ZNF804B: variants seen among roughly 807,000 people sequenced by gnomAD.
ZNF804B encodes zinc finger 804B.
Under a neutral mutation model 101.4 loss-of-function variants are expected in ZNF804B, and 80 were observed. That is an observed-to-expected ratio of 0.79 (90% CI 0.66 to 0.95). The LOEUF (loss-of-function observed/expected upper bound fraction) is 0.95, where lower values mean the gene tolerates loss of function less well. Among genes scored for constraint, ZNF804B ranks in the 40% least tolerant of loss-of-function variants. The pLI is 0.00. For missense variants in ZNF804B, 1,673 were observed against 1,561.9 expected (o/e 1.07, Z -1.20); for synonymous variants, 622 against 558.8 (o/e 1.11, Z -1.59).
At chr7:88,792,238 A>G (rs893969801) in intron 1 of ZNF804B, among the ~76,000 whole-genome samples, 2 of 152,100 alleles carry the variant, frequency 1.3e-5, no homozygotes, top group East Asian at 3.9e-4. Context: ...CCACTACACA[A>G]TGGGAGGAAT....
chr7:89,267,308 C>A (rs533080324), intron 2 of ZNF804B, among the ~76,000 whole-genome samples: 11 of 152,034 alleles, frequency 7.2e-5, no homozygotes, highest in Non-Finnish European at 1.3e-4. Flanking sequence ...ATATTCTACA[C>A]CTTTTATAGT....
chr7:89,302,772 G>A (rs1790495383), intron 2 of ZNF804B, among the ~76,000 whole-genome samples: 1 of 151,790 alleles, frequency 6.6e-6, no homozygotes, highest in South Asian at 2.1e-4. Flanking sequence ...GAGGCCACAT[G>A]CCTATCTCCA....
rs556257750 is a variant in ZNF804B, at chr7:89,172,169, T to C, written c.109-45986T>C. 4.4e-4 allele frequency among the ~76,000 whole-genome samples: 67 copies of C among 152,194 alleles called. 1 individual carries two copies. In the South Asian group the frequency reaches 0.014, roughly 31 times the overall value. ...AGTAACTATGACACTCAGAGACCAA[T>C]TGAAGAAACAGAGAACATTCTAGAA... On this transcript the variant is annotated intron_variant, in intron 1 of 3. Coordinates refer to ENST00000333190, the MANE Select transcript of ZNF804B (RefSeq NM_181646.5).
chr7:88,804,356 C>G (rs960741825), intron 1 of ZNF804B, among the ~76,000 whole-genome samples: 2 of 152,018 alleles, frequency 1.3e-5, no homozygotes, highest in Non-Finnish European at 2.9e-5. Flanking sequence ...ATCATTGTGT[C>G]CAGCCAGGAA....
At chr7:89,115,227 A>G (rs1790290732) in intron 1 of ZNF804B, among the ~76,000 whole-genome samples, 2 of 152,188 alleles carry the variant, frequency 1.3e-5, no homozygotes, top group Non-Finnish European at 1.5e-5. Context: ...GAAAATAACC[A>G]TTACCTCTGT....
intron 1 of ZNF804B, among the ~76,000 whole-genome samples, chr7:88,990,632 T>G (rs546901400): frequency 1.1e-4 from 17 of 152,262 alleles, no homozygotes; most frequent in African/African-American, 4.1e-4. Flanking sequence ...AGGAAATTTA[T>G]CTTGATTTTC....
chr7:88,793,699 T>C (rs1790420586), intron 1 of ZNF804B, among the ~76,000 whole-genome samples: 1 of 152,146 alleles, frequency 6.6e-6, no homozygotes, highest in Admixed American at 6.6e-5. Flanking sequence ...TATATTACAT[T>C]ATATGTCATA....
chr7:88,967,271 G>A (rs76904228), intron 1 of ZNF804B, among the ~76,000 whole-genome samples: 2,161 of 151,626 alleles, frequency 0.014, 47 homozygotes, highest in African/African-American at 0.049. Context: ...TTGCAGAAAG[G>A]TGAAGGGAAG....
At chr7:89,041,374 T>A (rs937267575) in intron 1 of ZNF804B, among the ~76,000 whole-genome samples, 1 of 152,122 alleles carries the variant, frequency 6.6e-6, no homozygotes, top group Non-Finnish European at 1.5e-5. Flanking sequence ...CAATTCTAGA[T>A]CCTGGGCCCA....
chr7:88,899,080 T>C (rs895107195), intron 1 of ZNF804B, among the ~76,000 whole-genome samples: 1 of 152,184 alleles, frequency 6.6e-6, no homozygotes, highest in African/African-American at 2.4e-5. Flanking sequence ...TTCCTTTCTT[T>C]AGATTCCATT....
At chr7:88,872,441 A>T (rs555747296) in intron 1 of ZNF804B, among the ~76,000 whole-genome samples, 1 of 151,990 alleles carries the variant, frequency 6.6e-6, no homozygotes, top group East Asian at 1.9e-4. Flanking sequence ...AAAATCCATG[A>T]TATTTCTTTT....
intron 2 of ZNF804B, among the ~76,000 whole-genome samples, chr7:89,270,223 A>G (rs1789869904): frequency 1.3e-5 from 2 of 152,286 alleles, no homozygotes; most frequent in African/African-American, 4.8e-5. Flanking sequence ...TCTTTAATCC[A>G]TCTTGAATTA....
At chr7:88,810,305 TAAG>T (rs1226086358) in intron 1 of ZNF804B, among the ~76,000 whole-genome samples, 6 of 151,906 alleles carry the variant, frequency 3.9e-5, no homozygotes, top group Admixed American at 1.3e-4. Flanking sequence ...AAAATAAAAA[TAAG>T]AACTAAAAGT....
chr7:88,989,271 TTAC>T (rs1793809638), intron 1 of ZNF804B, among the ~76,000 whole-genome samples: 1 of 152,048 alleles, frequency 6.6e-6, no homozygotes, highest in African/African-American at 2.4e-5. Context: ...GCTGGGATTA[TTAC>T]CAGAGTTTTA....
At chr7:89,196,947 T>C (rs150366717) in intron 1 of ZNF804B, among the ~76,000 whole-genome samples, 2 of 152,176 alleles carry the variant, frequency 1.3e-5, no homozygotes, top group African/African-American at 2.4e-5. Context: ...AGAATGGCTA[T>C]TAGTAAAAAG....
intron 1 of ZNF804B, among the ~76,000 whole-genome samples, chr7:88,825,947 C>A (rs1791045390): frequency 6.6e-6 from 1 of 152,074 alleles, no homozygotes; most frequent in Non-Finnish European, 1.5e-5. Context: ...TTGTACATTT[C>A]CTTTTTGTGA....
chr7:88,990,794 G>T (rs1291796561), intron 1 of ZNF804B, among the ~76,000 whole-genome samples: 1 of 152,030 alleles, frequency 6.6e-6, no homozygotes, highest in Non-Finnish European at 1.5e-5. Context: ...TACTCATCTT[G>T]ATATCCATCC....
At chr7:89,199,635 T>A (rs1425533206) in intron 1 of ZNF804B, among the ~76,000 whole-genome samples, 1 of 151,818 alleles carries the variant, frequency 6.6e-6, no homozygotes, top group Non-Finnish European at 1.5e-5. Flanking sequence ...GAAGCTCTGA[T>A]TTAAACTCAG....
At chr7:88,806,849 CATT>C (rs771304861) in intron 1 of ZNF804B, among the ~76,000 whole-genome samples, 3 of 151,934 alleles carry the variant, frequency 2.0e-5, no homozygotes, top group Admixed American at 6.6e-5. Context: ...TTCAGTGACT[CATT>C]GTTGTTAGAA....
Sources: gnomAD v4.1 joint callset for allele counts (sites outside exome capture counted in the v4.1 genomes callset) on GRCh38, gnomAD v4.1.1 for gene constraint, MANE v1.5 for transcripts, NCBI Gene and HGNC (gene_info 2026-07-23, HGNC 2026-07-21) for gene names.